The following SELENOS variants were observed in gnomAD, a reference collection of about 807,000 sequenced individuals.
SELENOS encodes VCP interacting membrane selenoprotein.
A neutral mutation model predicts 30.2 loss-of-function variants in SELENOS; 37 were observed. That is an observed-to-expected ratio of 1.23 (90% CI 0.94 to 1.61). The LOEUF (loss-of-function observed/expected upper bound fraction) is 1.61, where lower values mean the gene tolerates loss of function less well. Ranked by LOEUF, SELENOS falls within the 40% of genes most tolerant of loss-of-function variation. SELENOS has a pLI of 0.00. For missense variants in SELENOS, 289 were observed against 231.8 expected (o/e 1.25, Z -1.60); for synonymous variants, 119 against 91.6 (o/e 1.30, Z -1.71).
Position 101,272,817 on chromosome 15 carries a change from G to A in SELENOS, c.524C>T (p.Ser175Phe), listed in dbSNP as rs766545259. The change falls in exon 6 of 6, where the codon TCC (serine) becomes TTC (phenylalanine). Residue 175 changes from serine to phenylalanine, a missense_variant. By Grantham distance (155) the Ser-to-Phe change is radical (BLOSUM62 -2). Coordinates refer to ENST00000526049, the MANE Select transcript of SELENOS (RefSeq NM_018445.6). ...PLSGEGGGACSWRPGRRGPSS... is the reference protein window; with the variant it reads ...PLSGEGGGACFWRPGRRGPSS... Reference sequence around the variant, plus strand: ...CGGGCCTCTGCGTCCAGGTCTCCAGGAGCAAGCTCCGCCTCCTTCACCAGA... The same window carrying A: ...CGGGCCTCTGCGTCCAGGTCTCCAGAAGCAAGCTCCGCCTCCTTCACCAGA... 2 of 1,610,544 alleles carry A rather than the reference G, an allele frequency of 1.2e-6. No homozygotes were observed. The highest frequency in any genetic ancestry group is 2.2e-5 in the East Asian group (1 of 44,812).
intron 1 of SELENOS, chr15:101,277,134 A>T: frequency 1.2e-6 from 1 of 864,638 alleles, no homozygotes; most frequent in Non-Finnish European, 1.9e-6. Context: ...CAAACAAGGG[A>T]CAGCCGAGCC....
intron 1 of SELENOS, chr15:101,276,899 A>T (rs1329267040): frequency 1.8e-6 from 1 of 566,438 alleles, no homozygotes; most frequent in African/African-American, 1.9e-5. Context: ...AGTCGGGGGC[A>T]GTTAGAGTGT....
chr15:101,275,011 C>T (rs747214266), intron 3 of SELENOS: 46 of 565,202 alleles, frequency 8.1e-5, no homozygotes, highest in Admixed American at 1.5e-4. Context: ...CCTGCTCCAG[C>T]CTGTCCCTCC....
chr15:101,277,339 C>A lies in SELENOS; in HGVS notation c.76+3G>T. 2.0e-6 allele frequency: 3 copies of A among 1,516,762 alleles called. No individual in the cohort carries two copies. Among genetic ancestry groups the A allele is most frequent in the Non-Finnish European group, 2.6e-6 (3 of 1,139,620 alleles). The allele number at this position is 1,516,762 out of a possible 1,614,324, so 94.0% of individuals were successfully genotyped here. Reference sequence around the variant, plus strand: ...CGCGCCCGGCTGCCCCGCAACGACTCACCCGTGGTGTGCAGGAAGCGCAGC... The same window carrying A: ...CGCGCCCGGCTGCCCCGCAACGACTAACCCGTGGTGTGCAGGAAGCGCAGC... On this transcript the variant is annotated splice_donor_region_variant and intron_variant, in intron 1 of 5. Coordinates refer to ENST00000526049, the MANE Select transcript of SELENOS (RefSeq NM_018445.6).
intron 3 of SELENOS, 153 bp from the exon 4 acceptor site, chr15:101,274,834 G>T: frequency 2.4e-6 from 2 of 836,716 alleles, no homozygotes; most frequent in Non-Finnish European, 3.7e-6. Flanking sequence ...ATCTGGTAGT[G>T]TGAGTTTAAC....
chr15:101,274,499 T>C lies in SELENOS; in HGVS notation c.409-4A>G, dbSNP rs1312783585. The C allele has an allele frequency of 6.2e-7, 1 of 1,608,272 alleles. No homozygotes were observed. Among genetic ancestry groups the C allele is most frequent in the Non-Finnish European group, 8.5e-7 (1 of 1,177,066 alleles). On this transcript the variant is annotated splice_region_variant and splice_polypyrimidine_tract_variant and intron_variant, in intron 4 of 5. Coordinates refer to ENST00000526049, the MANE Select transcript of SELENOS (RefSeq NM_018445.6). Reference sequence around the variant, plus strand: ...AAGGCCCAGGACTGTCTTCCTCCTGTTTGAACACACACAGTAGTGTAAGAA... The same window carrying C: ...AAGGCCCAGGACTGTCTTCCTCCTGCTTGAACACACACAGTAGTGTAAGAA...
chr15:101,276,635 G>A lies in SELENOS; in HGVS notation c.117C>T (p.Phe39=). ...AGACCACGTAGAGAAGGATGCAGCTGAAGACGATGTACCAGCCATAGGTGG... is the reference window on the plus strand; with the variant it reads ...AGACCACGTAGAGAAGGATGCAGCTAAAGACGATGTACCAGCCATAGGTGG... ...LLATYGWYIV[F]SCILLYVVFQ... The change falls in exon 2 of 6, where the codon TTC becomes TTT. Residue 39 remains phenylalanine, a synonymous_variant. Transcript: ENST00000526049. 2 of 1,613,656 alleles carry A rather than the reference G, an allele frequency of 1.2e-6. No homozygotes were observed. Among genetic ancestry groups the A allele is most frequent in the Non-Finnish European group, 1.7e-6 (2 of 1,179,800 alleles).
At chr15:101,277,068 C>T in intron 1 of SELENOS, 1 of 640,924 alleles carries the variant, frequency 1.6e-6, no homozygotes, top group East Asian at 2.9e-5. Flanking sequence ...ACGCCAACGG[C>T]CGAGTGACCC....
intron 2 of SELENOS, among the ~76,000 whole-genome samples, chr15:101,275,567 C>T (rs981645974): frequency 6.6e-6 from 1 of 152,070 alleles, no homozygotes; most frequent in African/African-American, 2.4e-5. Flanking sequence ...GATTTTAGCC[C>T]GAAATATCTA....
intron 5 of SELENOS, among the ~76,000 whole-genome samples, chr15:101,273,552 T>C (rs1486098021): frequency 6.6e-6 from 1 of 152,236 alleles, no homozygotes; most frequent in Non-Finnish European, 1.5e-5. Context: ...CTGCATTCCA[T>C]CTTCTACGAT....
At chr15:101,274,744 C>A in intron 3 of SELENOS, 63 bp from the exon 4 acceptor site, 1 of 1,461,698 alleles carries the variant, frequency 6.8e-7, no homozygotes, top group Non-Finnish European at 9.3e-7. Flanking sequence ...AAAGACAAAG[C>A]TAACTCTGAT....
chr15:101,272,443 A>G lies in SELENOS; in HGVS notation c.*328T>C, dbSNP rs2039277944. 2 of 244,310 alleles carry G rather than the reference A, an allele frequency of 8.2e-6. No homozygotes were observed. Among genetic ancestry groups the G allele is most frequent in the Non-Finnish European group, 1.6e-5 (2 of 123,652 alleles). The allele number at this position is 244,310 out of a possible 1,614,324, so 15.1% of individuals were successfully genotyped here. On this transcript the variant is annotated 3_prime_UTR_variant, in exon 6 of 6. Transcript: ENST00000526049. ...TGTCACAGAGACTGTCCTAGCAGCAAGGATTTCTAACCTCAAAAGAACATT... is the reference window on the plus strand; with the variant it reads ...TGTCACAGAGACTGTCCTAGCAGCAGGGATTTCTAACCTCAAAAGAACATT...
chr15:101,275,203 C>G, intron 3 of SELENOS, 52 bp downstream of exon 3: 1 of 1,471,774 alleles, frequency 6.8e-7, no homozygotes. Context: ...TCGTTAGCCA[C>G]TAAACCTCAG....
At chr15:101,272,891 T>C in intron 5 of SELENOS, 35 bp from the exon 6 acceptor site, 1 of 1,563,970 alleles carries the variant, frequency 6.4e-7, no homozygotes, top group Non-Finnish European at 8.7e-7. Context: ...ACAGTATTGA[T>C]AAAAATCTGA....
In SELENOS at chr15:101,272,713, T is replaced by C. The variant is rs1011012766; in HGVS notation, c.*58A>G. 23 of 1,532,378 alleles carry C rather than the reference T, an allele frequency of 1.5e-5. No homozygotes were observed. The highest frequency in any genetic ancestry group is 7.8e-5 in the Admixed American group (4 of 51,330). The allele number at this position is 1,532,378 out of a possible 1,614,324, so 94.9% of individuals were successfully genotyped here. On this transcript the variant is annotated 3_prime_UTR_variant, in exon 6 of 6. Coordinates refer to ENST00000526049, the MANE Select transcript of SELENOS (RefSeq NM_018445.6). ...ACTGTGAAAAGCGTGCGTAAGGCAATTGAATCGAGGGTTAAGGGTTCATCT... is the reference window on the plus strand; with the variant it reads ...ACTGTGAAAAGCGTGCGTAAGGCAACTGAATCGAGGGTTAAGGGTTCATCT...
chr15:101,276,452 G>T, intron 2 of SELENOS, 89 bp downstream of exon 2: 4 of 1,377,620 alleles, frequency 2.9e-6, no homozygotes, highest in South Asian at 3.3e-5. Context: ...GTCTTCCTGT[G>T]TGGCCCCTCT....
intron 1 of SELENOS, chr15:101,276,882 T>A (rs374140150): frequency 2.5e-5 from 15 of 592,992 alleles, no homozygotes; most frequent in African/African-American, 2.1e-4. Context: ...TTCCCAACCA[T>A]CTGGGGAGTC....
chr15:101,277,101 T>G (rs950425980), intron 1 of SELENOS: 6 of 743,616 alleles, frequency 8.1e-6, no homozygotes, highest in Admixed American at 4.4e-5. Flanking sequence ...CAGGAAGGGC[T>G]TGGTTCGCAA....
Position 101,276,592 on chromosome 15 carries a change from G to C in SELENOS, c.160C>G (p.Arg54Gly), listed in dbSNP as rs370753066. The C allele has an allele frequency of 6.2e-5, 100 of 1,613,758 alleles. No individual in the cohort carries two copies. The East Asian group carries it at 1.2e-3, about 19-fold the overall frequency. ...TGCCTCTGCCTCAAGGCTCTTAGCC[G>C]GGCGGAAAGCTTCTGAAAGACCACG... ...LYVVFQKLSARLRALRQRQLD... is the reference protein window; with the variant it reads ...LYVVFQKLSAGLRALRQRQLD... The change falls in exon 2 of 6, where the codon CGG becomes GGG. Residue 54 changes from arginine (R) to glycine (G), a missense_variant. By Grantham distance (125) the Arg-to-Gly change is moderately radical (BLOSUM62 -2). Coordinates refer to ENST00000526049, the MANE Select transcript of SELENOS (RefSeq NM_018445.6).
Sources: allele counts gnomAD v4.1 joint callset (sites outside exome capture counted in the v4.1 genomes callset), GRCh38; gene constraint gnomAD v4.1.1; transcripts MANE v1.5; gene names NCBI Gene and HGNC (gene_info 2026-07-23, HGNC 2026-07-21).